The following MYT1L variants were observed in gnomAD, a reference collection of about 807,000 sequenced individuals.
The protein encoded by MYT1L is myelin transcription factor 1-like protein.
MYT1L carries 12 observed loss-of-function variants against 126.7 expected under a neutral mutation model. That is an observed-to-expected ratio of 0.09 (90% CI 0.06 to 0.15). The LOEUF (loss-of-function observed/expected upper bound fraction) is 0.15. MYT1L is among the 10% of genes least tolerant of loss of function. The probability of loss-of-function intolerance (pLI) is 1.00; values close to 1 mark genes in which losing one functional copy is unlikely to be tolerated. For synonymous variants in MYT1L, 541 were observed against 604.2 expected (o/e 0.90, Z 1.53); for missense variants, 979 against 1,585.2 (o/e 0.62, Z 6.49).
At chr2:2,146,431 CA>C (rs1267124254) in intron 3 of MYT1L, among the ~76,000 whole-genome samples, 1 of 152,134 alleles carries the variant, frequency 6.6e-6, no homozygotes, top group Non-Finnish European at 1.5e-5. Context: ...GGGTGGTAAG[CA>C]CCATCCTCCT....
intron 2 of MYT1L, among the ~76,000 whole-genome samples, chr2:2,213,392 G>T (rs575584682): frequency 6.6e-6 from 1 of 152,262 alleles, no homozygotes; most frequent in African/African-American, 2.4e-5. Context: ...GAAGGGAGCT[G>T]CAGAGAGATA....
At chr2:2,143,162 C>T (rs1054459898) in intron 3 of MYT1L, among the ~76,000 whole-genome samples, 1 of 151,398 alleles carries the variant, frequency 6.6e-6, no homozygotes, top group Admixed American at 6.6e-5. Context: ...CAGTGGCAGG[C>T]GCCTGTAGTC....
At chr2:2,251,932 AAAG>A (rs759068187) in intron 2 of MYT1L, among the ~76,000 whole-genome samples, 10 of 151,786 alleles carry the variant, frequency 6.6e-5, no homozygotes, top group Non-Finnish European at 1.5e-4. Flanking sequence ...AGAAAGAAGA[AAAG>A]AAAAGAAAAA....
chr2:1,846,755 C>T (rs943738592), intron 19 of MYT1L, among the ~76,000 whole-genome samples: 5 of 152,180 alleles, frequency 3.3e-5, no homozygotes, highest in Admixed American at 3.3e-4. Context: ...AGAATGGATC[C>T]TGTGACCCTC....
intron 8 of MYT1L, among the ~76,000 whole-genome samples, chr2:1,966,122 G>A (rs571402190): frequency 2.0e-5 from 3 of 152,350 alleles, no homozygotes; most frequent in South Asian, 2.1e-4. Flanking sequence ...CTGCCTGGCA[G>A]GAAGCATCAC....
At chr2:2,024,020 C>T (rs529234179) in intron 4 of MYT1L, among the ~76,000 whole-genome samples, 60 of 152,082 alleles carry the variant, frequency 3.9e-4, no homozygotes, top group Non-Finnish European at 4.3e-4. Context: ...GACTCTCTTC[C>T]GAGAAGATAT....
intron 1 of MYT1L, among the ~76,000 whole-genome samples, chr2:2,299,513 G>A (rs1195120276): frequency 2.6e-5 from 4 of 152,210 alleles, no homozygotes; most frequent in Non-Finnish European, 2.9e-5. Context: ...GTGGGAGTTG[G>A]GGTTCTTGCT....
intron 18 of MYT1L, among the ~76,000 whole-genome samples, chr2:1,875,710 C>T (rs548551397): frequency 1.8e-4 from 28 of 152,232 alleles, no homozygotes; most frequent in Admixed American, 3.3e-4. Context: ...GTTTGATAAT[C>T]AGATTATTGC....
intron 2 of MYT1L, among the ~76,000 whole-genome samples, chr2:2,207,137 T>C (rs11887279): frequency 0.21 from 32,488 of 152,080 alleles, 3,631 homozygotes; most frequent in African/African-American, 0.27. Flanking sequence ...TGGCCAGAGG[T>C]TCACAAGAAC....
At chr2:1,956,601 T>TA (rs2149357300) in intron 8 of MYT1L, among the ~76,000 whole-genome samples, 2 of 150,816 alleles carry the variant, frequency 1.3e-5, no homozygotes, top group East Asian at 3.9e-4. Flanking sequence ...TCTATCTATC[T>TA]ATCTATCTAT....
intron 1 of MYT1L, among the ~76,000 whole-genome samples, chr2:2,298,772 G>A (rs2095739268): frequency 6.6e-6 from 1 of 152,170 alleles, no homozygotes; most frequent in South Asian, 2.1e-4. Context: ...ACTGAAGTTA[G>A]CCAGAGCTGC....
At chr2:2,288,657 T>A (rs2149447214) in intron 1 of MYT1L, among the ~76,000 whole-genome samples, 1 of 152,362 alleles carries the variant, frequency 6.6e-6, no homozygotes, top group East Asian at 1.9e-4. Flanking sequence ...CTTTTAATTA[T>A]GTTTAACATT....
intron 4 of MYT1L, among the ~76,000 whole-genome samples, chr2:2,045,947 GGGTCCTTA>G (rs992337726): frequency 1.3e-5 from 2 of 152,090 alleles, no homozygotes; most frequent in African/African-American, 2.4e-5. Flanking sequence ...ACCTGCTGTG[GGGTCCTTA>G]GCTCCTCCAG....
intron 4 of MYT1L, among the ~76,000 whole-genome samples, chr2:2,051,599 T>C (rs1291055826): frequency 6.6e-6 from 1 of 152,236 alleles, no homozygotes; most frequent in African/African-American, 2.4e-5. Context: ...CCTTCAAAAT[T>C]ACTGCTAGAG....
At chr2:1,947,584 C>T (rs940618263) in intron 8 of MYT1L, among the ~76,000 whole-genome samples, 2 of 152,224 alleles carry the variant, frequency 1.3e-5, no homozygotes, top group Non-Finnish European at 2.9e-5. Flanking sequence ...CTCCCCTGCA[C>T]CTGCAGCTGG....
At chr2:2,001,108 C>A (rs897876464) in intron 4 of MYT1L, among the ~76,000 whole-genome samples, 3 of 152,124 alleles carry the variant, frequency 2.0e-5, no homozygotes, top group African/African-American at 7.2e-5. Flanking sequence ...GAAAACTGTT[C>A]ATCTCCGAGA....
chr2:2,145,466 T>C (rs2084742258), intron 3 of MYT1L, among the ~76,000 whole-genome samples: 1 of 152,170 alleles, frequency 6.6e-6, no homozygotes, highest in Non-Finnish European at 1.5e-5. Context: ...CTGGTGTTTC[T>C]AAACTTGCCA....
At chr2:2,221,267 G>C (rs568399143) in intron 2 of MYT1L, among the ~76,000 whole-genome samples, 1 of 152,128 alleles carries the variant, frequency 6.6e-6, no homozygotes, top group Non-Finnish European at 1.5e-5. Context: ...CATAGATTTA[G>C]TCTGGGCACC....
At chr2:2,048,152 G>C (rs1486715262) in intron 4 of MYT1L, among the ~76,000 whole-genome samples, 1 of 152,130 alleles carries the variant, frequency 6.6e-6, no homozygotes. Flanking sequence ...GCCTGATGCA[G>C]TCTGATATTC....
Sources: gnomAD v4.1 joint callset for allele counts (sites outside exome capture counted in the v4.1 genomes callset) on GRCh38, gnomAD v4.1.1 for gene constraint, MANE v1.5 for transcripts, NCBI Gene and HGNC (gene_info 2026-07-23, HGNC 2026-07-21) for gene names.